MGMT: variants seen among roughly 807,000 people sequenced by gnomAD.
MGMT encodes methylated-DNA--protein-cysteine methyltransferase.
Under a neutral mutation model 15.9 loss-of-function variants are expected in MGMT, and 14 were observed. The observed-to-expected ratio is 0.88, with a 90% CI of 0.58 to 1.37. MGMT has a LOEUF of 1.37. Among genes scored for constraint, MGMT ranks in the 40% most tolerant of loss-of-function variants. MGMT has a pLI of 0.00. For missense variants in MGMT, 282 were observed against 268.1 expected, an observed-to-expected ratio of 1.05 and a Z score of -0.36; for synonymous variants, 130 against 118.2, an observed-to-expected ratio of 1.10 and a Z score of -0.65.
intron 2 of MGMT, among the ~76,000 whole-genome samples, chr10:129,705,096 G>A (rs536639214): frequency 6.6e-6 from 1 of 152,302 alleles, no homozygotes; most frequent in East Asian, 1.9e-4. Flanking sequence ...CCGCCCCGTG[G>A]GCTTGGTCAT....
At chr10:129,522,754 G>A (rs1401183428) in intron 1 of MGMT, among the ~76,000 whole-genome samples, 1 of 152,166 alleles carries the variant, frequency 6.6e-6, no homozygotes, top group Non-Finnish European at 1.5e-5. Flanking sequence ...GTCGATGTCT[G>A]GACGAGGAGA....
At chr10:129,638,314 C>T (rs943221042) in intron 2 of MGMT, among the ~76,000 whole-genome samples, 1 of 151,082 alleles carries the variant, frequency 6.6e-6, no homozygotes, top group African/African-American at 2.4e-5. Flanking sequence ...GGATGTCTCC[C>T]ATCTTACATT....
At chr10:129,680,478 G>C (rs1366261203) in intron 2 of MGMT, among the ~76,000 whole-genome samples, 2 of 152,162 alleles carry the variant, frequency 1.3e-5, no homozygotes, top group Non-Finnish European at 2.9e-5. Context: ...TGGAAAGGCA[G>C]ACTCAGGAAG....
intron 1 of MGMT, among the ~76,000 whole-genome samples, chr10:129,529,372 G>T (rs932188029): frequency 6.6e-6 from 1 of 152,104 alleles, no homozygotes; most frequent in African/African-American, 2.4e-5. Context: ...TTCCACCTCA[G>T]ATCACCAGGC....
At chr10:129,468,273 T>A (rs1589824181) in intron 1 of MGMT, among the ~76,000 whole-genome samples, 1 of 152,112 alleles carries the variant, frequency 6.6e-6, no homozygotes, top group Non-Finnish European at 1.5e-5. Flanking sequence ...TGAACAAGAT[T>A]TTAAAAACCC....
chr10:129,725,792 G>T (rs1232535862), intron 3 of MGMT, among the ~76,000 whole-genome samples: 1 of 152,216 alleles, frequency 6.6e-6, no homozygotes, highest in African/African-American at 2.4e-5. Context: ...AGGGGCTTCT[G>T]CAGGCAGAGG....
chr10:129,487,912 G>GGT (rs145304551), intron 1 of MGMT, among the ~76,000 whole-genome samples: 55,243 of 137,382 alleles, frequency 0.4, 11,342 homozygotes, highest in East Asian at 0.64. Flanking sequence ...ACCATATAGG[G>GGT]GTGTGTGTGT....
chr10:129,572,725 A>G (rs1466565088), intron 2 of MGMT, among the ~76,000 whole-genome samples: 1 of 152,210 alleles, frequency 6.6e-6, no homozygotes, highest in East Asian at 1.9e-4. Context: ...GATTTACAGT[A>G]AATTATGATA....
At chr10:129,586,730 TTC>T (rs1167244263) in intron 2 of MGMT, among the ~76,000 whole-genome samples, 1 of 152,258 alleles carries the variant, frequency 6.6e-6, no homozygotes, top group Non-Finnish European at 1.5e-5. Context: ...ATGCTTCTAA[TTC>T]TCTTAGGTAA....
intron 2 of MGMT, among the ~76,000 whole-genome samples, chr10:129,606,153 C>T (rs1846887453): frequency 1.3e-5 from 2 of 152,192 alleles, no homozygotes; most frequent in Admixed American, 6.5e-5. Flanking sequence ...TACCACCCAA[C>T]AGTGTAATCA....
chr10:129,607,236 A>AT (rs1040892670), intron 2 of MGMT, among the ~76,000 whole-genome samples: 1,936 of 145,456 alleles, frequency 0.013, 30 homozygotes, highest in Admixed American at 0.041. Context: ...GAGGGCAGTC[A>AT]TTTTTTTTTT....
intron 2 of MGMT, among the ~76,000 whole-genome samples, chr10:129,693,084 T>A (rs537153813): frequency 2.0e-5 from 3 of 152,234 alleles, no homozygotes; most frequent in African/African-American, 4.8e-5. Flanking sequence ...CCTAGAGGAT[T>A]TTAATCTCTG....
At chr10:129,529,142 G>T (rs531897080) in intron 1 of MGMT, among the ~76,000 whole-genome samples, 3 of 151,888 alleles carry the variant, frequency 2.0e-5, no homozygotes, top group African/African-American at 7.3e-5. Flanking sequence ...GCTGTGAAGC[G>T]AGAGCGAGGC....
chr10:129,473,055 T>C (rs1347407738), intron 1 of MGMT, among the ~76,000 whole-genome samples: 1 of 152,200 alleles, frequency 6.6e-6, no homozygotes, highest in Non-Finnish European at 1.5e-5. Context: ...TGGCAGTTGC[T>C]GATAGCCCGA....
At chr10:129,736,279 C>T (rs1384504231) in intron 3 of MGMT, among the ~76,000 whole-genome samples, 2 of 150,744 alleles carry the variant, frequency 1.3e-5, no homozygotes, top group South Asian at 2.1e-4. Context: ...GGATAGTTAG[C>T]TCTTCTTGTT....
chr10:129,567,653 G>T (rs1214722564), intron 2 of MGMT, among the ~76,000 whole-genome samples: 1 of 152,198 alleles, frequency 6.6e-6, no homozygotes, highest in Non-Finnish European at 1.5e-5. Context: ...CACGGGTACA[G>T]ATTTACTGGT....
At chr10:129,585,410 A>C (rs1183396226) in intron 2 of MGMT, among the ~76,000 whole-genome samples, 2 of 152,202 alleles carry the variant, frequency 1.3e-5, no homozygotes, top group African/African-American at 4.8e-5. Flanking sequence ...TGTTACAAGA[A>C]CACCAGCAGA....
intron 1 of MGMT, among the ~76,000 whole-genome samples, chr10:129,516,642 A>C (rs975655852): frequency 6.6e-6 from 1 of 152,220 alleles, no homozygotes; most frequent in African/African-American, 2.4e-5. Context: ...TTATCAGATT[A>C]ATTTTAATAA....
chr10:129,766,463 C>T (rs1848936148), intron 4 of MGMT, among the ~76,000 whole-genome samples: 1 of 152,194 alleles, frequency 6.6e-6, no homozygotes, highest in Non-Finnish European at 1.5e-5. Flanking sequence ...TGTAAGCGAA[C>T]GTTGTATATT....
Sources: gnomAD v4.1 joint callset for allele counts (sites outside exome capture counted in the v4.1 genomes callset) on GRCh38, gnomAD v4.1.1 for gene constraint, MANE v1.5 for transcripts, NCBI Gene and HGNC (gene_info 2026-07-23, HGNC 2026-07-21) for gene names.